Variants in TBC1D5 observed in about 807,000 individuals in gnomAD.
TBC1D5 encodes TBC1 domain family, member 5.
TBC1D5 carries 75 observed loss-of-function variants against 100.3 expected under a neutral mutation model. The observed-to-expected ratio is 0.75, with a 90% confidence interval of 0.62 to 0.91. The LOEUF is 0.91. TBC1D5 is among the 40% of genes least tolerant of loss of function. The pLI is 0.00. For missense variants in TBC1D5, 910 were observed against 942.4 expected (o/e 0.97, Z 0.45); for synonymous variants, 323 against 325.6 (o/e 0.99, Z 0.09).
intron 1 of TBC1D5, chr3:17,662,899 T>C (rs183797344): frequency 6.6e-6 from 1 of 152,308 alleles, no homozygotes; most frequent in Admixed American, 6.5e-5. Context: ...CATATACTTG[T>C]ATGTGTTTAT....
intron 8 of TBC1D5, among the ~76,000 whole-genome samples, chr3:17,388,126 T>C (rs2093227219): frequency 6.6e-6 from 1 of 152,086 alleles, no homozygotes; most frequent in African/African-American, 2.4e-5. Flanking sequence ...ATCCTTACTT[T>C]AGGGTAAAAG....
At chr3:17,171,730 T>C (rs1300996416) in intron 19 of TBC1D5, among the ~76,000 whole-genome samples, 1 of 152,090 alleles carries the variant, frequency 6.6e-6, no homozygotes, top group Non-Finnish European at 1.5e-5. Context: ...CATTTCCAAA[T>C]AAGGTCACGT....
At chr3:17,313,913 T>G (rs2084349053) in intron 13 of TBC1D5, among the ~76,000 whole-genome samples, 1 of 152,184 alleles carries the variant, frequency 6.6e-6, no homozygotes, top group South Asian at 2.1e-4. Flanking sequence ...CAGGGTATCT[T>G]ATTGCCTTTG....
At chr3:17,437,539 G>A (rs2094557075) in intron 3 of TBC1D5, among the ~76,000 whole-genome samples, 1 of 151,406 alleles carries the variant, frequency 6.6e-6, no homozygotes, top group Non-Finnish European at 1.5e-5. Flanking sequence ...AATCACCTGG[G>A]AACAGGTATA....
chr3:17,474,067 A>T (rs1339325119), intron 3 of TBC1D5, among the ~76,000 whole-genome samples: 2 of 152,178 alleles, frequency 1.3e-5, no homozygotes, highest in African/African-American at 2.4e-5. Flanking sequence ...TTTACTTAAC[A>T]AGGAGTAAAC....
chr3:17,620,345 A>G (rs187947658), intron 2 of TBC1D5, among the ~76,000 whole-genome samples: 6 of 152,368 alleles, frequency 3.9e-5, no homozygotes, highest in African/African-American at 1.4e-4. Context: ...CACCTGTAAA[A>G]CTACGAAAGT....
intron 17 of TBC1D5, among the ~76,000 whole-genome samples, chr3:17,217,412 C>T (rs1427490079): frequency 6.6e-6 from 1 of 152,034 alleles, no homozygotes; most frequent in Non-Finnish European, 1.5e-5. Flanking sequence ...ACTGGTGGGT[C>T]AATATGGCAA....
At chr3:17,428,381 T>C (rs2094381961) in intron 4 of TBC1D5, 69 bp downstream of exon 4, 2 of 501,004 alleles carry the variant, frequency 4.0e-6, no homozygotes, top group Non-Finnish European at 5.8e-6. Flanking sequence ...TTATACATTA[T>C]CTTATAATAT....
chr3:17,192,891 C>T (rs1043684155), intron 18 of TBC1D5, among the ~76,000 whole-genome samples: 3 of 152,356 alleles, frequency 2.0e-5, no homozygotes, highest in Admixed American at 6.5e-5. Context: ...TTTGTCCCGA[C>T]AGGATGGGTT....
intron 2 of TBC1D5, among the ~76,000 whole-genome samples, chr3:17,530,146 A>C (rs1380082637): frequency 6.6e-6 from 1 of 151,706 alleles, no homozygotes; most frequent in Non-Finnish European, 1.5e-5. Flanking sequence ...TGGGAGGCTA[A>C]GGAAGGAGAA....
At chr3:17,695,535 C>A (rs1054672761) in intron 1 of TBC1D5, among the ~76,000 whole-genome samples, 1 of 152,160 alleles carries the variant, frequency 6.6e-6, no homozygotes, top group Non-Finnish European at 1.5e-5. Flanking sequence ...ATCAATTCAA[C>A]AAGAAAAGCT....
At chr3:17,299,610 G>T (rs994452870) in intron 14 of TBC1D5, among the ~76,000 whole-genome samples, 9 of 152,108 alleles carry the variant, frequency 5.9e-5, no homozygotes, top group Non-Finnish European at 1.2e-4. Context: ...TGTAATCCCA[G>T]CACTTTGAGA....
At chr3:17,550,372 T>C (rs1366178944) in intron 2 of TBC1D5, among the ~76,000 whole-genome samples, 1 of 152,214 alleles carries the variant, frequency 6.6e-6, no homozygotes, top group East Asian at 1.9e-4. Flanking sequence ...TTTAGGATAC[T>C]GATTCCACTG....
chr3:17,200,139 AT>A, intron 18 of TBC1D5, among the ~76,000 whole-genome samples: 2 of 152,312 alleles, frequency 1.3e-5, no homozygotes, highest in East Asian at 3.9e-4. Context: ...CATAAGGCCA[AT>A]TTGTTCTTGG....
chr3:17,390,173 A>G (rs1006360993), intron 8 of TBC1D5, among the ~76,000 whole-genome samples: 11 of 152,086 alleles, frequency 7.2e-5, no homozygotes, highest in African/African-American at 2.7e-4. Context: ...ATATGACTGC[A>G]GTGTGTGGAA....
intron 4 of TBC1D5, among the ~76,000 whole-genome samples, chr3:17,421,731 T>A (rs2094212186): frequency 6.6e-6 from 1 of 152,228 alleles, no homozygotes; most frequent in African/African-American, 2.4e-5. Flanking sequence ...TTTTTATAGA[T>A]GAGGTAATTA....
chr3:17,408,756 T>C (rs2093842980), intron 4 of TBC1D5, among the ~76,000 whole-genome samples: 2 of 152,168 alleles, frequency 1.3e-5, no homozygotes, highest in Non-Finnish European at 2.9e-5. Flanking sequence ...ATTGTCTTAA[T>C]TTTCAATACA....
At chr3:17,466,395 T>G (rs1443008590) in intron 3 of TBC1D5, among the ~76,000 whole-genome samples, 1 of 152,072 alleles carries the variant, frequency 6.6e-6, no homozygotes, top group Non-Finnish European at 1.5e-5. Flanking sequence ...ACATAAAGGG[T>G]ATCTATACAA....
At chr3:17,612,730 G>C (rs1171338173) in intron 2 of TBC1D5, among the ~76,000 whole-genome samples, 2 of 151,682 alleles carry the variant, frequency 1.3e-5, no homozygotes, top group Non-Finnish European at 2.9e-5. Flanking sequence ...ATGACCTGAG[G>C]GAATACCTGG....
Sources: allele counts gnomAD v4.1 joint callset (sites outside exome capture counted in the v4.1 genomes callset), GRCh38; gene constraint gnomAD v4.1.1; transcripts MANE v1.5; gene names NCBI Gene and HGNC (gene_info 2026-07-23, HGNC 2026-07-21).